IPO9: variants seen among roughly 807,000 people sequenced by gnomAD.
IPO9 encodes the protein importin 9, also known as importin-9.
A neutral mutation model predicts 128.6 loss-of-function variants in IPO9; 28 were observed. The observed-to-expected ratio is 0.22, with a 90% CI of 0.16 to 0.30. IPO9 has a LOEUF of 0.30. IPO9 is among the 10% of genes least tolerant of loss of function. The pLI, the probability that IPO9 is intolerant of heterozygous loss-of-function variation, is 1.00. For synonymous variants in IPO9, 455 were observed against 475.8 expected (o/e 0.96, Z 0.57); for missense variants, 935 against 1,293.9 (o/e 0.72, Z 4.26).
intron 18 of IPO9, 129 bp from the exon 19 acceptor site, chr1:201,871,032 A>G: frequency 2.4e-6 from 3 of 1,276,110 alleles, no homozygotes; most frequent in East Asian, 2.3e-5. Context: ...GAAATCTCCC[A>G]TGTTTTCTTG....
intron 13 of IPO9, among the ~76,000 whole-genome samples, chr1:201,862,319 G>T (rs999545782): frequency 6.6e-6 from 1 of 151,910 alleles, no homozygotes; most frequent in Non-Finnish European, 1.5e-5. Flanking sequence ...TTAGCCAGGC[G>T]TGGTGGTACG....
intron 19 of IPO9, among the ~76,000 whole-genome samples, chr1:201,872,198 C>T (rs956354852): frequency 1.3e-5 from 2 of 152,132 alleles, no homozygotes; most frequent in African/African-American, 4.8e-5. Context: ...GCCTGGGCGA[C>T]GAGCGAAATT....
At position 201,884,241 on chromosome 1, in the gene IPO9, T is replaced by C. The variant is rs1030760248; in HGVS notation, c.*8187T>C. 2 of 152,264 alleles carry C rather than the reference T, an allele frequency of 1.3e-5. No homozygotes were observed. The highest frequency in any genetic ancestry group is 1.5e-5 in the Non-Finnish European group (1 of 68,038). 9.4% of individuals were successfully genotyped at this position (152,264 alleles called of 1,614,324 possible). A position where few individuals can be genotyped will look rare whatever the true frequency, so the allele number is the denominator to read the frequency against. On this transcript the variant is annotated 3_prime_UTR_variant, in exon 24 of 24. Transcript: ENST00000361565. The stretch of plus-strand genomic sequence containing the variant: ...CACAGAACAAGTGTAATACTAGTTA[T>C]CTGTTTCATGGAGTGATTGTGAGGA...
rs1680145013 is a variant in IPO9 at position 201,847,554 on chromosome 1, G to A, written c.228G>A (p.Leu76=). ...TACTTGGCTTATTCTCTTCACAGCT[G>A]GCATCAGTCATCTTGAAACAATATG... ...DPQGALAIRQ[L]ASVILKQYVE... The change falls in exon 3 of 24, where the codon CTG becomes CTA. Residue 76 remains leucine, a splice_region_variant and synonymous_variant. Transcript: ENST00000361565. 1 of 1,613,568 alleles carries A rather than the reference G, an allele frequency of 6.2e-7. No individual in the cohort carries two copies. The highest frequency in any genetic ancestry group is 1.7e-4 in the Middle Eastern group (1 of 6,060).
chr1:201,844,650 C>G (rs746933679), intron 1 of IPO9, among the ~76,000 whole-genome samples: 1 of 152,198 alleles, frequency 6.6e-6, no homozygotes, highest in Non-Finnish European at 1.5e-5. Flanking sequence ...TACTGTTCAG[C>G]TTTTCTGTAA....
chr1:201,842,452 G>C (rs542082717), intron 1 of IPO9, among the ~76,000 whole-genome samples: 1 of 152,108 alleles, frequency 6.6e-6, no homozygotes, highest in Admixed American at 6.5e-5. Flanking sequence ...GTGGGATGGG[G>C]GGATGAAAGT....
Position 201,877,682 on chromosome 1 carries a change from C to A in IPO9, c.*1628C>A, listed in dbSNP as rs564410290. On this transcript the variant is annotated 3_prime_UTR_variant, in exon 24 of 24. Transcript: ENST00000361565. ...GTCACACCTGTAATCCCAGCACTTA[C>A]GGAGGCCGAAGCCAGCGGATCACCA... is the stretch of plus-strand genomic sequence containing the variant. The A allele has an allele frequency of 6.6e-6, 1 of 152,042 alleles. No homozygotes were observed. The highest frequency in any genetic ancestry group is 2.4e-5 in the African/African-American group (1 of 41,364). 9.4% of individuals were successfully genotyped at this position (152,042 alleles called of 1,614,324 possible). A position where few individuals can be genotyped will look rare whatever the true frequency, so the allele number is the denominator to read the frequency against.
At position 201,863,615 on chromosome 1, in the gene IPO9, T is replaced by G; in HGVS notation, c.1628+8T>G. On this transcript the variant is annotated splice_region_variant and intron_variant, in intron 14 of 23. Transcript: ENST00000361565. ...AGTGAGAGCCATCTGGGGGTGAGTA[T>G]GCTACCCTAGCGTGATAATTAAGGG... 6.3e-7 allele frequency: 1 copy of G among 1,577,554 alleles called. No homozygotes were observed. The highest frequency in any genetic ancestry group is 8.7e-7 in the Non-Finnish European group (1 of 1,150,640).
In IPO9 at chr1:201,870,793, C is replaced by T. The variant is rs1374905414; in HGVS notation, c.2344C>T (p.Leu782=). Residue 782 remains leucine, a synonymous_variant, in exon 18 of 24, where the codon CTA becomes TTA. Coordinates refer to ENST00000361565, the MANE Select transcript of IPO9 (RefSeq NM_018085.5). This position sits in a 1 kb window ranked among gnomAD's most constrained non-coding sequence, Gnocchi z 4.9. ...GGCAGGGCGGGAACTCGGGGAGAAT[C>T]TAGACCAGATTCTTCGTGCCATCCT... ...SKAGRELGEN[L]DQILRAILSK... 6.2e-7 allele frequency: 1 copy of T among 1,614,072 alleles called. No homozygotes were observed. The highest frequency in any genetic ancestry group is 8.5e-7 in the Non-Finnish European group (1 of 1,180,042).
intron 1 of IPO9, among the ~76,000 whole-genome samples, chr1:201,841,623 T>A (rs949840214): frequency 2.6e-5 from 4 of 152,220 alleles, no homozygotes; most frequent in African/African-American, 9.7e-5. Context: ...GACAGCAGGG[T>A]TCCTTGGAGG....
Position 201,881,592 on chromosome 1 carries a change from A to T in IPO9, c.*5538A>T, listed in dbSNP as rs528288635. On this transcript the variant is annotated 3_prime_UTR_variant, in exon 24 of 24. Transcript: ENST00000361565. Reference sequence around the variant, plus strand: ...CCTGGCCAGAAATAAAGCTGGAAGGACAAGTGGGGGGCAGATTGTGAAGGA... The same window carrying T: ...CCTGGCCAGAAATAAAGCTGGAAGGTCAAGTGGGGGGCAGATTGTGAAGGA... 6.6e-6 allele frequency: 1 copy of T among 152,350 alleles called. No individual in the cohort carries two copies. Among genetic ancestry groups the T allele is most frequent in the Admixed American group, 6.5e-5 (1 of 15,300 alleles). The allele number at this position is 152,350 out of a possible 1,614,324, so 9.4% of individuals were successfully genotyped here.
intron 9 of IPO9, 23 bp downstream of exon 9, chr1:201,855,205 A>G (rs1383785936): frequency 9.4e-6 from 14 of 1,484,856 alleles, no homozygotes; most frequent in African/African-American, 2.8e-5. Context: ...TTTGATCTTT[A>G]TAGAAATACC....
In IPO9 at chr1:201,878,757, G is replaced by GA. The variant is rs1356176389; in HGVS notation, c.*2708dup. 4 of 152,288 alleles carry GA rather than the reference G, an allele frequency of 2.6e-5. No homozygotes were observed. In the South Asian group the frequency reaches 8.3e-4, roughly 32 times the overall value. 9.4% of individuals were successfully genotyped at this position (152,288 alleles called of 1,614,324 possible). ...GTGGATATTCCCATTCTGTTGATGA[G>GA]AAAAAGAGTGGAGAGACTGTGTCCA... is the stretch of plus-strand genomic sequence containing the variant. On this transcript the variant is annotated 3_prime_UTR_variant, in exon 24 of 24. Coordinates refer to ENST00000361565, the MANE Select transcript of IPO9 (RefSeq NM_018085.5).
Position 201,878,659 on chromosome 1 carries a change from C to T in IPO9, c.*2605C>T, listed in dbSNP as rs1239763638. On this transcript the variant is annotated 3_prime_UTR_variant, in exon 24 of 24. Transcript: ENST00000361565. Reference sequence around the variant, plus strand: ...AGAAGGTCTTGGACCCCTCGATGTGCAGGTACTTAATTGTGTTTCCAGTGC... The same window carrying T: ...AGAAGGTCTTGGACCCCTCGATGTGTAGGTACTTAATTGTGTTTCCAGTGC... The T allele has an allele frequency of 6.6e-6, 1 of 152,358 alleles. No homozygotes were observed. Among genetic ancestry groups the T allele is most frequent in the African/African-American group, 2.4e-5 (1 of 41,450 alleles). 9.4% of individuals were successfully genotyped at this position (152,358 alleles called of 1,614,324 possible).
chr1:201,841,080 A>G (rs2102870842), intron 1 of IPO9, among the ~76,000 whole-genome samples: 1 of 152,186 alleles, frequency 6.6e-6, no homozygotes, highest in East Asian at 1.9e-4. Context: ...AAATCAAACA[A>G]TAGGGAGGCA....
chr1:201,865,343 G>A (rs1224149914), intron 14 of IPO9, among the ~76,000 whole-genome samples: 1 of 151,856 alleles, frequency 6.6e-6, no homozygotes, highest in African/African-American at 2.4e-5. Context: ...CCAGCAGCTG[G>A]GATTACAGGC....
At chr1:201,869,826 C>T in intron 17 of IPO9, 108 bp downstream of exon 17, 1 of 1,323,298 alleles carries the variant, frequency 7.6e-7, no homozygotes, top group South Asian at 1.5e-5. Context: ...ACGGAATTCT[C>T]AACTCCATAT....
intron 5 of IPO9, among the ~76,000 whole-genome samples, chr1:201,852,734 T>C (rs1156812001): frequency 6.6e-6 from 1 of 152,218 alleles, no homozygotes; most frequent in Non-Finnish European, 1.5e-5. Context: ...TTTTAAGCAC[T>C]ACCTAGTCTG....
intron 20 of IPO9, 63 bp from the exon 21 acceptor site, chr1:201,874,186 CA>C (rs1447418009): frequency 3.2e-6 from 5 of 1,580,698 alleles, no homozygotes; most frequent in Admixed American, 1.7e-5. Flanking sequence ...GAGGAGAGGA[CA>C]GGGGTACTTC....
Sources: allele counts gnomAD v4.1 joint callset (sites outside exome capture counted in the v4.1 genomes callset), GRCh38; gene constraint gnomAD v4.1.1; non-coding constraint Gnocchi (gnomAD v3.1); transcripts MANE v1.5; gene names NCBI Gene and HGNC (gene_info 2026-07-23, HGNC 2026-07-21).